LGALS3: variants seen among roughly 807,000 people sequenced by gnomAD.
LGALS3 encodes galectin-3.
A neutral mutation model predicts 20.7 loss-of-function variants in LGALS3; 18 were observed. The observed-to-expected ratio is 0.87, with a 90% CI of 0.60 to 1.29. The LOEUF (loss-of-function observed/expected upper bound fraction) is 1.29, where lower values mean the gene tolerates loss of function less well. Among genes scored for constraint, LGALS3 ranks in the 50% most tolerant of loss-of-function variants. The pLI is 0.00. For missense variants in LGALS3, 315 were observed against 314.7 expected (o/e 1.00, Z -0.01); for synonymous variants, 112 against 119.6 (o/e 0.94, Z 0.42).
At chr14:55,135,103 C>G (rs551556656) in intron 1 of LGALS3, among the ~76,000 whole-genome samples, 1 of 151,762 alleles carries the variant, frequency 6.6e-6, no homozygotes, top group African/African-American at 2.4e-5. Flanking sequence ...GCAGTGAGCC[C>G]TGATATCATG....
chr14:55,140,537 A>G (rs1395651264), intron 4 of LGALS3, 174 bp downstream of exon 4: 3 of 530,380 alleles, frequency 5.7e-6, no homozygotes, highest in African/African-American at 1.9e-5. Context: ...ATTATCCCAT[A>G]AATCCATACA....
At chr14:55,132,126 C>T (rs982505295) in intron 1 of LGALS3, among the ~76,000 whole-genome samples, 3 of 152,156 alleles carry the variant, frequency 2.0e-5, no homozygotes, top group East Asian at 1.9e-4. Flanking sequence ...CATAGTGCAG[C>T]GGATAGCTAC....
At chr14:55,137,193 A>T in intron 1 of LGALS3, 177 bp from the exon 2 acceptor site, 1 of 694,668 alleles carries the variant, frequency 1.4e-6, no homozygotes, top group Non-Finnish European at 2.6e-6. Flanking sequence ...GGGTTTGGCA[A>T]TCTAGCTGGA....
intron 2 of LGALS3, chr14:55,137,782 G>C: frequency 7.7e-7 from 1 of 1,300,162 alleles, no homozygotes; most frequent in Non-Finnish European, 9.7e-7. Flanking sequence ...GCTAACTCCT[G>C]ACTTGAGCTA....
intron 3 of LGALS3, among the ~76,000 whole-genome samples, chr14:55,139,224 G>A (rs1177571368): frequency 6.6e-6 from 1 of 152,142 alleles, no homozygotes; most frequent in Non-Finnish European, 1.5e-5. Context: ...AGAGATTACA[G>A]AGGAAGAACC....
intron 5 of LGALS3, chr14:55,143,391 A>G: frequency 2.9e-6 from 1 of 349,902 alleles, no homozygotes; most frequent in East Asian, 1.2e-4. Context: ...TTTGGTGGAT[A>G]TCTTTTCGTA....
At chr14:55,141,250 C>T (rs1409101469) in intron 4 of LGALS3, among the ~76,000 whole-genome samples, 1 of 152,160 alleles carries the variant, frequency 6.6e-6, no homozygotes, top group East Asian at 1.9e-4. Context: ...TAAGCCAACC[C>T]ATCTTTCCAC....
intron 1 of LGALS3, among the ~76,000 whole-genome samples, chr14:55,132,417 A>G (rs1003004392): frequency 6.6e-6 from 1 of 151,782 alleles, no homozygotes; most frequent in African/African-American, 2.4e-5. Flanking sequence ...ATTTGATTGT[A>G]TGTCTCTCTC....
At chr14:55,143,018 C>T (rs1010035541) in intron 5 of LGALS3, among the ~76,000 whole-genome samples, 1 of 152,160 alleles carries the variant, frequency 6.6e-6, no homozygotes, top group African/African-American at 2.4e-5. Context: ...AGAATATAAT[C>T]TTTAACAAAA....
At chr14:55,135,489 G>A (rs1354113091) in intron 1 of LGALS3, among the ~76,000 whole-genome samples, 2 of 150,572 alleles carry the variant, frequency 1.3e-5, no homozygotes, top group Non-Finnish European at 2.9e-5. Context: ...GTGTATAAAT[G>A]AAGCATATGT....
At chr14:55,133,749 T>A (rs533559393) in intron 1 of LGALS3, among the ~76,000 whole-genome samples, 26 of 152,340 alleles carry the variant, frequency 1.7e-4, no homozygotes, top group South Asian at 4.1e-4. Context: ...CCAAACTGGA[T>A]TTGGTTAGAT....
At chr14:55,134,769 C>T (rs1315393573) in intron 1 of LGALS3, among the ~76,000 whole-genome samples, 1 of 152,110 alleles carries the variant, frequency 6.6e-6, no homozygotes, top group Non-Finnish European at 1.5e-5. Flanking sequence ...CCGTGACTTC[C>T]CTGTCAAGCT....
intron 1 of LGALS3, among the ~76,000 whole-genome samples, chr14:55,132,252 C>G (rs1051145078): frequency 6.6e-6 from 1 of 152,128 alleles, no homozygotes. Flanking sequence ...TAGGTGTTTA[C>G]AAATGTGGAG....
intron 1 of LGALS3, among the ~76,000 whole-genome samples, chr14:55,135,560 G>GTTTTTTT (rs762172869): frequency 1.7e-4 from 18 of 106,552 alleles, no homozygotes; most frequent in African/African-American, 2.1e-4. Flanking sequence ...ATATTTTATG[G>GTTTTTTT]TTTTTTTTTT....
At chr14:55,136,080 C>T (rs1881387025) in intron 1 of LGALS3, among the ~76,000 whole-genome samples, 1 of 152,206 alleles carries the variant, frequency 6.6e-6, no homozygotes, top group African/African-American at 2.4e-5. Context: ...CCCTCCTCCC[C>T]TCACTGCTGG....
rs4644 is a variant in LGALS3 at position 55,138,217 on chromosome 14, C to A, written c.191C>A (p.Pro64His). 627,898 of 1,613,016 alleles carry A rather than the reference C, an allele frequency of 0.39. 125,766 individuals carry two copies. The highest frequency in any genetic ancestry group is 0.41 in the Non-Finnish European group (482,709 of 1,179,720). Residue 64 changes from proline to histidine, a missense_variant, in exon 3 of 6, where the codon CCT (proline) becomes CAT (histidine). Transcript: ENST00000254301. The part of the protein sequence containing the change: ...YPGQAPPGAY[P>H]GAPGAYPGAP... Reference sequence around the variant, plus strand: ...GGACAGGCACCTCCAGGCGCCTACCCTGGAGCACCTGGAGCTTATCCCGGA... The same window carrying A: ...GGACAGGCACCTCCAGGCGCCTACCATGGAGCACCTGGAGCTTATCCCGGA...
At chr14:55,133,721 C>T (rs749711220) in intron 1 of LGALS3, among the ~76,000 whole-genome samples, 4 of 152,112 alleles carry the variant, frequency 2.6e-5, no homozygotes, top group Non-Finnish European at 4.4e-5. Flanking sequence ...GGAAATGCAA[C>T]GAGATCTGCT....
chr14:55,138,343 C>G lies in LGALS3; in HGVS notation c.317C>G (p.Pro106Arg). The G allele has an allele frequency of 6.2e-7, 1 of 1,612,880 alleles. No homozygotes were observed. The stretch of plus-strand genomic sequence containing the variant: ...ACCGGAGCCTACCCTGCCACTGGCC[C>G]CTATGGCGCCCCTGCTGGGCCACTG... ...SATGAYPATGPYGAPAGPLIV... is the reference protein window; with the variant it reads ...SATGAYPATGRYGAPAGPLIV... Residue 106 changes from proline (P) to arginine (R), a missense_variant, in exon 3 of 6, where the codon CCC (proline) becomes CGC (arginine). Coordinates refer to ENST00000254301, the MANE Select transcript of LGALS3 (RefSeq NM_002306.4).
chr14:55,129,576 G>A lies in LGALS3; in HGVS notation c.-5+276G>A, dbSNP rs910469134. 2.0e-5 allele frequency among the ~76,000 whole-genome samples: 3 copies of A among 152,124 alleles called. No homozygotes were observed. The highest frequency in any genetic ancestry group is 7.2e-5 in the African/African-American group (3 of 41,442). ...CCACACACGTCCCCGGGGCGGCACG[G>A]GCCACCTTCTGCGGAGCCTCGTGGG... On this transcript the variant is annotated intron_variant, in intron 1 of 5. Coordinates refer to ENST00000254301, the MANE Select transcript of LGALS3 (RefSeq NM_002306.4). The surrounding 1 kb of genome is among the most constrained non-coding windows in gnomAD (Gnocchi z 5.3).
Sources: gnomAD v4.1 joint callset for allele counts (sites outside exome capture counted in the v4.1 genomes callset) on GRCh38, gnomAD v4.1.1 for gene constraint, Gnocchi (gnomAD v3.1) non-coding constraint, MANE v1.5 for transcripts, NCBI Gene and HGNC (gene_info 2026-07-23, HGNC 2026-07-21) for gene names.